The following TIAM1 variants were observed in gnomAD, a reference collection of about 807,000 sequenced individuals.
TIAM1 encodes TIAM Rac1 associated GEF 1.
In TIAM1, 65 loss-of-function variants were observed where a neutral mutation model predicts 163.5. That is an observed-to-expected ratio of 0.40 (90% CI 0.33 to 0.49). TIAM1 has a LOEUF of 0.49. TIAM1 is among the 20% of genes least tolerant of loss of function. The pLI is 0.77. For missense variants in TIAM1, 1,789 were observed against 2,044.7 expected, an observed-to-expected ratio of 0.87 and a Z score of 2.41; for synonymous variants, 833 against 810.1, an observed-to-expected ratio of 1.03 and a Z score of -0.48.
At chr21:31,318,512 A>G (rs1016978539) in intron 2 of TIAM1, among the ~76,000 whole-genome samples, 1 of 152,254 alleles carries the variant, frequency 6.6e-6, no homozygotes, top group Non-Finnish European at 1.5e-5. Flanking sequence ...TGAATTATCA[A>G]CAATTTGGTA....
intron 1 of TIAM1, among the ~76,000 whole-genome samples, chr21:31,549,325 T>C (rs2048604121): frequency 6.6e-6 from 1 of 152,224 alleles, no homozygotes; most frequent in Admixed American, 6.5e-5. Context: ...CATTTTTTAT[T>C]GACTTTCAGC....
At chr21:31,482,552 T>G (rs1337947256) in intron 1 of TIAM1, among the ~76,000 whole-genome samples, 3 of 152,210 alleles carry the variant, frequency 2.0e-5, no homozygotes, top group African/African-American at 7.2e-5. Flanking sequence ...AAGAAAGGGC[T>G]TATTTTCTGG....
At chr21:31,318,321 T>C (rs1290269719) in intron 2 of TIAM1, among the ~76,000 whole-genome samples, 1 of 152,198 alleles carries the variant, frequency 6.6e-6, no homozygotes. Context: ...GCCACGCTGG[T>C]TTCGAACTCC....
intron 15 of TIAM1, among the ~76,000 whole-genome samples, chr21:31,181,118 A>T (rs932471388): frequency 6.6e-6 from 1 of 152,178 alleles, no homozygotes; most frequent in South Asian, 2.1e-4. Flanking sequence ...CAACTTACTA[A>T]ATCAACCCAA....
chr21:31,317,012 C>T (rs898996747), intron 2 of TIAM1, among the ~76,000 whole-genome samples: 6 of 152,084 alleles, frequency 3.9e-5, no homozygotes, highest in Admixed American at 3.3e-4. Flanking sequence ...CTATATTTAC[C>T]GATAATAAAG....
intron 12 of TIAM1, among the ~76,000 whole-genome samples, chr21:31,199,292 G>A (rs910890406): frequency 6.6e-6 from 1 of 152,064 alleles, no homozygotes; most frequent in Non-Finnish European, 1.5e-5. Context: ...CATGCCCTAT[G>A]GGCCCACTCA....
At chr21:31,168,098 T>A (rs886745945) in intron 15 of TIAM1, among the ~76,000 whole-genome samples, 35 of 151,894 alleles carry the variant, frequency 2.3e-4, no homozygotes, top group African/African-American at 6.7e-4. Flanking sequence ...CTTATTATTT[T>A]TTTTTTTTTT....
intron 1 of TIAM1, among the ~76,000 whole-genome samples, chr21:31,537,382 T>TG (rs982397805): frequency 1.2e-4 from 18 of 150,540 alleles, no homozygotes; most frequent in African/African-American, 3.7e-4. Flanking sequence ...TCTTTTTGGT[T>TG]GGGGGGGATG....
intron 15 of TIAM1, 25 bp downstream of exon 15, chr21:31,182,396 C>G: frequency 6.7e-7 from 1 of 1,503,454 alleles, no homozygotes. Context: ...TTCAGACTCG[C>G]CCCCAGCACC....
At chr21:31,247,849 T>C (rs750901618) in intron 5 of TIAM1, among the ~76,000 whole-genome samples, 10 of 152,208 alleles carry the variant, frequency 6.6e-5, no homozygotes, top group Non-Finnish European at 1.5e-4. Context: ...CAGAATAATC[T>C]GTACCTCCTA....
intron 9 of TIAM1, among the ~76,000 whole-genome samples, chr21:31,215,568 GAA>G (rs398040071): frequency 5.3e-5 from 4 of 75,534 alleles, no homozygotes; most frequent in Admixed American, 1.4e-4. Context: ...TCTCAAAAAA[GAA>G]AAAAAAAAAA....
At chr21:31,458,989 G>A (rs80165871) in intron 2 of TIAM1, among the ~76,000 whole-genome samples, 5,998 of 152,288 alleles carry the variant, frequency 0.039, 185 homozygotes, top group East Asian at 0.068. Context: ...GAGGACAGGA[G>A]GTGAGAGAGA....
intron 8 of TIAM1, among the ~76,000 whole-genome samples, chr21:31,222,570 CA>C (rs1055085849): frequency 1.3e-5 from 2 of 149,858 alleles, no homozygotes; most frequent in African/African-American, 4.9e-5. Flanking sequence ...GTCATCAAAA[CA>C]ATGGTAAAAA....
At chr21:31,365,916 C>T (rs893030830) in intron 2 of TIAM1, among the ~76,000 whole-genome samples, 3 of 151,534 alleles carry the variant, frequency 2.0e-5, no homozygotes, top group Non-Finnish European at 1.5e-5. Context: ...TCCTGGCCAA[C>T]ATGGTGAAAC....
At chr21:31,216,129 C>T (rs933840651) in intron 9 of TIAM1, among the ~76,000 whole-genome samples, 11 of 152,160 alleles carry the variant, frequency 7.2e-5, no homozygotes, top group South Asian at 4.1e-4. Context: ...GAGATTGCAC[C>T]ACTGCACTCC....
chr21:31,143,147 C>T (rs1218089549), intron 20 of TIAM1, among the ~76,000 whole-genome samples: 1 of 152,136 alleles, frequency 6.6e-6, no homozygotes, highest in East Asian at 1.9e-4. Context: ...CCCCATACCT[C>T]GCCCAGTCAC....
At chr21:31,222,582 T>TA (rs2087619678) in intron 8 of TIAM1, among the ~76,000 whole-genome samples, 2 of 148,238 alleles carry the variant, frequency 1.3e-5, no homozygotes, top group Non-Finnish European at 3.0e-5. Flanking sequence ...ATGGTAAAAA[T>TA]AAAGTGAAAT....
rs745349921 is a variant in TIAM1, at chr21:31,210,594, G to GAAAGAA, written c.2218-380_2218-379insTTCTTT. Among the ~76,000 whole-genome samples, 135 of 94,622 alleles carry GAAAGAA rather than the reference G, an allele frequency of 1.4e-3. 4 individuals are homozygous for GAAAGAA. Among genetic ancestry groups the GAAAGAA allele is most frequent in the African/African-American group, 7.5e-3 (120 of 15,936 alleles). 62.1% of individuals were successfully genotyped at this position (94,622 alleles called of 152,430 possible). A position where few individuals can be genotyped will look rare whatever the true frequency, so the allele number is the denominator to read the frequency against. On this transcript the variant is annotated intron_variant, in intron 10 of 27. Transcript: ENST00000541036. ...AGAAAGAAAGAAAGAAAGAAAGAAA[G>GAAAGAA]AGAGAAAGAAGGAAGGAAGGGAGAA...
intron 1 of TIAM1, among the ~76,000 whole-genome samples, chr21:31,542,979 A>T (rs1206488815): frequency 6.6e-6 from 1 of 152,118 alleles, no homozygotes; most frequent in Non-Finnish European, 1.5e-5. Flanking sequence ...AAATAAATAA[A>T]AAATAAATAA....
Sources: gnomAD v4.1 joint callset for allele counts (sites outside exome capture counted in the v4.1 genomes callset) on GRCh38, gnomAD v4.1.1 for gene constraint, MANE v1.5 for transcripts, NCBI Gene and HGNC (gene_info 2026-07-23, HGNC 2026-07-21) for gene names.